Variants in MEF2D observed in about 807,000 individuals in gnomAD.
MEF2D encodes the protein myocyte-specific enhancer factor 2D.
MEF2D carries 10 observed loss-of-function variants against 59.3 expected under a neutral mutation model. The observed-to-expected ratio is 0.17, with a 90% CI of 0.10 to 0.29. The LOEUF (loss-of-function observed/expected upper bound fraction) is 0.29, where lower values mean the gene tolerates loss of function less well. Among genes scored for constraint, MEF2D ranks in the 10% least tolerant of loss-of-function variants. The pLI is 1.00. For synonymous variants in MEF2D, 305 were observed against 295.0 expected, an observed-to-expected ratio of 1.03 and a Z score of -0.35; for missense variants, 508 against 699.4, an observed-to-expected ratio of 0.73 and a Z score of 3.09.
At chr1:156,489,343 C>A (rs572322294) in intron 1 of MEF2D, among the ~76,000 whole-genome samples, 1 of 152,004 alleles carries the variant, frequency 6.6e-6, no homozygotes, top group African/African-American at 2.4e-5. Context: ...AGTCAGGCAG[C>A]CTCAAGCAGC....
intron 1 of MEF2D, among the ~76,000 whole-genome samples, chr1:156,484,651 G>A (rs536608884): frequency 1.7e-4 from 26 of 152,224 alleles, no homozygotes; most frequent in Non-Finnish European, 3.5e-4. Context: ...ACCAGGCAGA[G>A]AACCTGCTGT....
chr1:156,467,713 T>C, intron 11 of MEF2D, 57 bp from the exon 12 acceptor site: 1 of 1,350,752 alleles, frequency 7.4e-7, no homozygotes, highest in South Asian at 2.4e-5. Flanking sequence ...GCTTTGGGTA[T>C]GCACCCCCCA....
At chr1:156,498,549 C>T (rs1673280283) in intron 1 of MEF2D, among the ~76,000 whole-genome samples, 2 of 152,016 alleles carry the variant, frequency 1.3e-5, no homozygotes, top group Admixed American at 1.3e-4. Flanking sequence ...AAAAACTCAA[C>T]CTTTTGGGTC....
chr1:156,500,466 C>T lies in MEF2D; in HGVS notation c.-139+20G>A, dbSNP rs1029361647. The T allele has an allele frequency of 6.6e-6, 1 of 152,412 alleles. No homozygotes were observed. Among genetic ancestry groups the T allele is most frequent in the Non-Finnish European group, 1.5e-5 (1 of 68,192 alleles). 9.4% of individuals were successfully genotyped at this position (152,412 alleles called of 1,614,324 possible). ...AGGGGGCCTCTTAAAGTGGCAGGCG[C>T]ATTATTTTTCTCTACTCACCAGCCC... On this transcript the variant is annotated intron_variant, in intron 1 of 11. Transcript: ENST00000348159.
At chr1:156,477,923 C>T (rs536605196) in intron 6 of MEF2D, among the ~76,000 whole-genome samples, 3 of 152,378 alleles carry the variant, frequency 2.0e-5, no homozygotes, top group Admixed American at 2.0e-4. Flanking sequence ...ATTCTACAAT[C>T]CACACAGGCC....
intron 4 of MEF2D, 118 bp downstream of exon 4, chr1:156,480,716 G>A (rs1027017453): frequency 3.1e-6 from 5 of 1,610,390 alleles, no homozygotes; most frequent in East Asian, 4.5e-5. Context: ...CGTCTGGGGG[G>A]TCAGGGCAAA....
intron 8 of MEF2D, among the ~76,000 whole-genome samples, chr1:156,475,569 C>T (rs1671515417): frequency 1.3e-5 from 2 of 152,264 alleles, no homozygotes; most frequent in Non-Finnish European, 2.9e-5. Context: ...CCCTGTCTCT[C>T]TGGAGCCCAC....
intron 1 of MEF2D, among the ~76,000 whole-genome samples, chr1:156,489,006 T>C (rs145964705): frequency 2.4e-3 from 366 of 152,338 alleles, no homozygotes; most frequent in Middle Eastern, 0.01. Flanking sequence ...CTACAGGGCA[T>C]CTGCTTCCAG....
At chr1:156,496,568 C>T (rs1203412989) in intron 1 of MEF2D, among the ~76,000 whole-genome samples, 1 of 152,200 alleles carries the variant, frequency 6.6e-6, no homozygotes, top group Non-Finnish European at 1.5e-5. Context: ...ATCCCTCCTG[C>T]TCCAGTCAGC....
At chr1:156,491,887 G>C (rs931137886) in intron 1 of MEF2D, among the ~76,000 whole-genome samples, 2 of 152,168 alleles carry the variant, frequency 1.3e-5, no homozygotes, top group Non-Finnish European at 2.9e-5. Flanking sequence ...AGGCACTTGC[G>C]GACACCAAGT....
intron 1 of MEF2D, chr1:156,490,420 C>G (rs541003440): frequency 1.3e-5 from 2 of 152,586 alleles, no homozygotes; most frequent in Admixed American, 1.3e-4. Flanking sequence ...ACCGTCTTTC[C>G]CTCCCTCGGG....
At chr1:156,478,470 G>A (rs1273968500) in intron 6 of MEF2D, among the ~76,000 whole-genome samples, 3 of 152,140 alleles carry the variant, frequency 2.0e-5, no homozygotes, top group African/African-American at 4.8e-5. Context: ...GCCAGACAAT[G>A]GCACAGGGTA....
Position 156,491,137 on chromosome 1 carries a change from G to A in MEF2D, c.-138-7707C>T, listed in dbSNP as rs545085204. On this transcript the variant is annotated intron_variant, in intron 1 of 11. Transcript: ENST00000348159. ...GTAGAGAAGGGATGGGTGAGGTAGG[G>A]CAATGAACAGCTTAGGGAAATATGG... is the stretch of plus-strand genomic sequence containing the variant. Among the ~76,000 whole-genome samples the A allele has an allele frequency of 3.3e-5, 5 of 152,312 alleles. No homozygotes were observed. In the South Asian group the frequency reaches 8.3e-4, roughly 25 times the overall value.
chr1:156,475,744 G>A (rs1671530343), intron 8 of MEF2D, among the ~76,000 whole-genome samples: 1 of 152,262 alleles, frequency 6.6e-6, no homozygotes, highest in African/African-American at 2.4e-5. Flanking sequence ...ACTCCATGCT[G>A]GGGCCGAAAC....
intron 9 of MEF2D, among the ~76,000 whole-genome samples, chr1:156,473,219 T>C (rs1671352215): frequency 6.9e-6 from 1 of 145,496 alleles, no homozygotes; most frequent in South Asian, 2.2e-4. Flanking sequence ...GGTTTCACCA[T>C]GTGGCTAGGA....
chr1:156,467,631 G>T lies in MEF2D; in HGVS notation c.*14C>A. ...TCTTCATCAGGGAGGCTGAGAGGAG[G>T]GGAGTGGGAATCGTCACTTTAATGT... On this transcript the variant is annotated 3_prime_UTR_variant, in exon 12 of 12. Transcript: ENST00000348159. The T allele has an allele frequency of 7.6e-7, 1 of 1,321,950 alleles. No individual in the cohort carries two copies. Among genetic ancestry groups the T allele is most frequent in the Non-Finnish European group, 9.7e-7 (1 of 1,026,780 alleles). 81.9% of individuals were successfully genotyped at this position (1,321,950 alleles called of 1,614,324 possible). A position where few individuals can be genotyped will look rare whatever the true frequency, so the allele number is the denominator to read the frequency against.
At position 156,468,882 on chromosome 1, in the gene MEF2D, T is replaced by C. The variant is rs1169731357; in HGVS notation, c.1145A>G (p.Gln382Arg). Residue 382 changes from glutamine to arginine, a missense_variant, in exon 10 of 12, where the codon CAG becomes CGG. Physicochemically the swap from Gln to Arg is conservative, Grantham distance 43 (BLOSUM62 1). Coordinates refer to ENST00000348159, the MANE Select transcript of MEF2D (RefSeq NM_005920.4). The surrounding 1 kb of genome is among the most constrained non-coding windows in gnomAD (Gnocchi z 4.3). Reference protein sequence around the residue: ...QPQQPQPPQQQPPQPQQPQPQ... With the variant: ...QPQQPQPPQQRPPQPQQPQPQ... Reference sequence around the variant, plus strand: ...CTGTGGCTGCTGTGGCTGCGGTGGCTGCTGCTGTGGAGGCTGTGGCTGCTG... The same window carrying C: ...CTGTGGCTGCTGTGGCTGCGGTGGCCGCTGCTGTGGAGGCTGTGGCTGCTG... The C allele has an allele frequency of 1.2e-6, 2 of 1,613,520 alleles. No individual in the cohort carries two copies. Among genetic ancestry groups the C allele is most frequent in the African/African-American group, 2.7e-5 (2 of 74,886 alleles).
Position 156,486,292 on chromosome 1 carries a change from C to T in MEF2D, c.-138-2862G>A, listed in dbSNP as rs76454436. On this transcript the variant is annotated intron_variant, in intron 1 of 11. Transcript: ENST00000348159. ...GCTCCAGCCCAGGGATTTCAGCTCC[C>T]CTGCTTCCCAGTGCAATCCAAAGAC... is the stretch of plus-strand genomic sequence containing the variant. Among the ~76,000 whole-genome samples, 866 of 152,122 alleles carry T rather than the reference C, an allele frequency of 5.7e-3. 4 individuals carry two copies. The highest frequency in any genetic ancestry group is 0.01 in the Non-Finnish European group (713 of 68,030).
chr1:156,468,845 A>AGGCTGCTGTGGCTGT lies in MEF2D; in HGVS notation c.1167_1181dup (p.Pro391_Gln395dup), dbSNP rs747698561. 6 of 1,613,848 alleles carry AGGCTGCTGTGGCTGT rather than the reference A, an allele frequency of 3.7e-6. No homozygotes were observed. The highest frequency in any genetic ancestry group is 1.7e-5 in the Admixed American group (1 of 59,982). Reference sequence around the variant, plus strand: ...GCTGAGGTGGCTGTTGCGGCTGCTGAGGCTGCTGTGGCTGTGGCTGCTGTG... The same window carrying AGGCTGCTGTGGCTGT: ...GCTGAGGTGGCTGTTGCGGCTGCTGAGGCTGCTGTGGCTGTGGCTGCTGTGGCTGTGGCTGCTGTG... On this transcript the variant is annotated inframe_insertion, in exon 10 of 12. Coordinates refer to ENST00000348159, the MANE Select transcript of MEF2D (RefSeq NM_005920.4). This position sits in a 1 kb window ranked among gnomAD's most constrained non-coding sequence, Gnocchi z 4.3.
Sources: gnomAD v4.1 joint callset for allele counts (sites outside exome capture counted in the v4.1 genomes callset) on GRCh38, gnomAD v4.1.1 for gene constraint, Gnocchi (gnomAD v3.1) non-coding constraint, MANE v1.5 for transcripts, NCBI Gene and HGNC (gene_info 2026-07-23, HGNC 2026-07-21) for gene names.